Variants in ASTN2 observed in about 807,000 individuals in gnomAD.
ASTN2 encodes the protein astrotactin 2.
A neutral mutation model predicts 139.8 loss-of-function variants in ASTN2; 54 were observed. That is an observed-to-expected ratio of 0.39 (90% CI 0.31 to 0.48). The LOEUF is 0.48. Ranked by LOEUF, ASTN2 falls within the 20% of genes least tolerant of loss-of-function variation. ASTN2 has a pLI of 0.95. For synonymous variants in ASTN2, 756 were observed against 719.5 expected (o/e 1.05, Z -0.81); for missense variants, 1,565 against 1,725.1 (o/e 0.91, Z 1.64).
intron 16 of ASTN2, among the ~76,000 whole-genome samples, chr9:116,675,720 T>A (rs1859461400): frequency 6.6e-6 from 1 of 152,132 alleles, no homozygotes; most frequent in Non-Finnish European, 1.5e-5. Context: ...CAGGCTTAAC[T>A]CAGAGAACCC....
intron 13 of ASTN2, among the ~76,000 whole-genome samples, chr9:116,771,386 A>G (rs34690938): frequency 0.16 from 24,094 of 152,216 alleles, 2,245 homozygotes; most frequent in Middle Eastern, 0.27. Flanking sequence ...AGAAGAAATA[A>G]GGTGATCCAC....
chr9:116,492,979 A>G (rs1849562723), intron 19 of ASTN2, among the ~76,000 whole-genome samples: 1 of 152,194 alleles, frequency 6.6e-6, no homozygotes, highest in African/African-American at 2.4e-5. Context: ...TCTATTTTAT[A>G]TACTAGCGGT....
chr9:116,512,383 C>A (rs1275345408), intron 19 of ASTN2, among the ~76,000 whole-genome samples: 1 of 152,146 alleles, frequency 6.6e-6, no homozygotes, highest in African/African-American at 2.4e-5. Context: ...GTTTTAATTT[C>A]TGTTCTTTTA....
intron 4 of ASTN2, among the ~76,000 whole-genome samples, chr9:117,139,679 A>C (rs192885626): frequency 4.6e-5 from 7 of 152,350 alleles, no homozygotes; most frequent in Admixed American, 4.6e-4. Flanking sequence ...TAAAATAATA[A>C]GACAATCCCT....
At chr9:117,006,653 G>T (rs1837361366) in intron 7 of ASTN2, among the ~76,000 whole-genome samples, 1 of 152,052 alleles carries the variant, frequency 6.6e-6, no homozygotes, top group Non-Finnish European at 1.5e-5. Context: ...CTTCTTTACT[G>T]AGAATCTCCC....
At chr9:116,623,213 T>C (rs375167249) in intron 17 of ASTN2, among the ~76,000 whole-genome samples, 17 of 147,910 alleles carry the variant, frequency 1.1e-4, no homozygotes, top group African/African-American at 4.3e-4. Context: ...GTTTGGTTTT[T>C]GTAATAAATA....
At chr9:116,480,386 G>C (rs1171128221) in intron 20 of ASTN2, among the ~76,000 whole-genome samples, 2 of 152,196 alleles carry the variant, frequency 1.3e-5, no homozygotes, top group African/African-American at 2.4e-5. Context: ...GAGTGAAGGG[G>C]AGAAGTCAGT....
At chr9:117,260,174 C>A (rs750371038) in intron 2 of ASTN2, among the ~76,000 whole-genome samples, 3 of 152,110 alleles carry the variant, frequency 2.0e-5, no homozygotes, top group Admixed American at 2.0e-4. Flanking sequence ...CAAAGCTAGC[C>A]ACCCCTTTAA....
rs139019559 is a variant in ASTN2 at position 116,932,579 on chromosome 9, C to T, written c.1889+42629G>A. Among the ~76,000 whole-genome samples, 51 of 152,230 alleles carry T rather than the reference C, an allele frequency of 3.4e-4. 1 individual carries two copies. In the East Asian group the frequency reaches 9.9e-3, roughly 30 times the overall value. ...GCTTCAAATGTGGATGGGAGAGTTA[C>T]ATGCATGTGCCCTGGAACACCCCAT... On this transcript the variant is annotated intron_variant, in intron 10 of 22. Transcript: ENST00000313400.
At chr9:116,786,067 C>T (rs900369858) in intron 13 of ASTN2, among the ~76,000 whole-genome samples, 2 of 152,158 alleles carry the variant, frequency 1.3e-5, no homozygotes, top group Non-Finnish European at 2.9e-5. Flanking sequence ...CCTCCTTCCC[C>T]TCTGTTCTAT....
At chr9:116,954,564 T>C (rs2132491928) in intron 10 of ASTN2, among the ~76,000 whole-genome samples, 1 of 152,334 alleles carries the variant, frequency 6.6e-6, no homozygotes, top group East Asian at 1.9e-4. Flanking sequence ...CTACTATTAC[T>C]TTGTTGCAAC....
intron 2 of ASTN2, among the ~76,000 whole-genome samples, chr9:117,234,733 T>C (rs1832992802): frequency 6.6e-6 from 1 of 152,104 alleles, no homozygotes; most frequent in Admixed American, 6.6e-5. Context: ...CACAAGGGAA[T>C]GTCAAGGCTG....
chr9:116,466,251 T>A (rs1439642142), intron 20 of ASTN2, among the ~76,000 whole-genome samples: 1 of 151,948 alleles, frequency 6.6e-6, no homozygotes, highest in Non-Finnish European at 1.5e-5. Context: ...ACAAAACTGT[T>A]CCCCCTCTTG....
At chr9:116,820,234 A>C (rs1482548008) in intron 12 of ASTN2, among the ~76,000 whole-genome samples, 1 of 152,128 alleles carries the variant, frequency 6.6e-6, no homozygotes, top group Non-Finnish European at 1.5e-5. Context: ...GCTTTTATGC[A>C]CCATACCTGA....
chr9:117,414,457 G>A lies in ASTN2; in HGVS notation c.442+40C>T, dbSNP rs757929645. ...CGTCCGGCATGACGCAGGGGCTCGG[G>A]GTTCCTTGGGATCTAGCGCGTGCCG... On this transcript the variant is annotated intron_variant, in intron 1 of 22. Coordinates refer to ENST00000313400, the MANE Select transcript of ASTN2 (RefSeq NM_001365068.1). This position sits in a 1 kb window ranked among gnomAD's most constrained non-coding sequence, Gnocchi z 4.2. 3 of 1,601,946 alleles carry A rather than the reference G, an allele frequency of 1.9e-6. No homozygotes were observed.
At chr9:116,966,240 A>T (rs1836007322) in intron 10 of ASTN2, among the ~76,000 whole-genome samples, 1 of 152,168 alleles carries the variant, frequency 6.6e-6, no homozygotes, top group Non-Finnish European at 1.5e-5. Context: ...TCAACATCAA[A>T]TATTTATTAT....
At chr9:117,267,760 G>T (rs910231380) in intron 2 of ASTN2, among the ~76,000 whole-genome samples, 2 of 152,148 alleles carry the variant, frequency 1.3e-5, no homozygotes, top group Non-Finnish European at 2.9e-5. Flanking sequence ...TGCCTCTCAG[G>T]GCGCAGTTTC....
At chr9:116,477,364 C>T (rs373237193) in intron 20 of ASTN2, among the ~76,000 whole-genome samples, 6 of 152,072 alleles carry the variant, frequency 3.9e-5, no homozygotes, top group East Asian at 3.9e-4. Flanking sequence ...GCCAGGCTGC[C>T]GTACTTGCCC....
At chr9:117,139,387 G>A (rs1279114244) in intron 4 of ASTN2, among the ~76,000 whole-genome samples, 1 of 152,192 alleles carries the variant, frequency 6.6e-6, no homozygotes, top group Non-Finnish European at 1.5e-5. Context: ...CCAAAGTCAT[G>A]CAAGTTAAAA....
Sources: allele counts gnomAD v4.1 joint callset (sites outside exome capture counted in the v4.1 genomes callset), GRCh38; gene constraint gnomAD v4.1.1; non-coding constraint Gnocchi (gnomAD v3.1); transcripts MANE v1.5; gene names NCBI Gene and HGNC (gene_info 2026-07-23, HGNC 2026-07-21).